The following GANC variants were observed in gnomAD, a reference collection of about 807,000 sequenced individuals.
The protein encoded by GANC is neutral alpha-glucosidase C.
In GANC, 117 loss-of-function variants were observed where a neutral mutation model predicts 124.2. That is an observed-to-expected ratio of 0.94 (90% CI 0.81 to 1.10). The LOEUF (loss-of-function observed/expected upper bound fraction) is 1.10, where lower values mean the gene tolerates loss of function less well. Ranked by LOEUF, GANC falls within the 50% of genes least tolerant of loss-of-function variation. The probability of loss-of-function intolerance (pLI) is 0.00; values close to 1 mark genes in which losing one functional copy is unlikely to be tolerated. For synonymous variants in GANC, 377 were observed against 376.8 expected (o/e 1.00, Z -0.01); for missense variants, 1,140 against 1,095.0 (o/e 1.04, Z -0.58).
At chr15:42,330,547 T>C in intron 14 of GANC, 29 bp from the exon 15 acceptor site, 1 of 1,549,412 alleles carries the variant, frequency 6.5e-7, no homozygotes, top group Non-Finnish European at 8.9e-7. Flanking sequence ...CAATCATCTC[T>C]TTGAAATTTT....
Position 42,353,650 on chromosome 15 carries a change from A to C in GANC, c.*1511A>C. Reference sequence around the variant, plus strand: ...AGCTGGTGGATTTAATTGATTAAAAAATTACGATTGAATGTATTTCCATCT... The same window carrying C: ...AGCTGGTGGATTTAATTGATTAAAACATTACGATTGAATGTATTTCCATCT... On this transcript the variant is annotated 3_prime_UTR_variant, in exon 24 of 24. Coordinates refer to ENST00000318010, the MANE Select transcript of GANC (RefSeq NM_198141.3). 1.0e-6 allele frequency: 1 copy of C among 985,568 alleles called. No homozygotes were observed. Among genetic ancestry groups the C allele is most frequent in the Non-Finnish European group, 1.2e-6 (1 of 829,806 alleles). 61.1% of individuals were successfully genotyped at this position (985,568 alleles called of 1,614,324 possible).
chr15:42,328,782 C>G (rs1036417824), intron 13 of GANC, among the ~76,000 whole-genome samples: 4 of 152,206 alleles, frequency 2.6e-5, no homozygotes, highest in African/African-American at 9.7e-5. Flanking sequence ...TCAACTGTCC[C>G]TTCCCACTCT....
chr15:42,338,106 A>G (rs1366777783), intron 15 of GANC, among the ~76,000 whole-genome samples: 1 of 152,104 alleles, frequency 6.6e-6, no homozygotes, highest in Non-Finnish European at 1.5e-5. Flanking sequence ...GTTAAATCTT[A>G]AAGTTGATTT....
At position 42,274,314 on chromosome 15, in the gene GANC, G is replaced by C; in HGVS notation, c.-168G>C. 1 of 678,476 alleles carries C rather than the reference G, an allele frequency of 1.5e-6. No individual in the cohort carries two copies. The highest frequency in any genetic ancestry group is 2.5e-6 in the Non-Finnish European group (1 of 396,274). The allele number at this position is 678,476 out of a possible 1,614,324, so 42.0% of individuals were successfully genotyped here. On this transcript the variant is annotated 5_prime_UTR_variant, in exon 1 of 24. Transcript: ENST00000318010. ...TGGGCCTGAAAAATTCCAGGAGCAA[G>C]AGTCAAGATTTGTCACTCCATGAGA... is the stretch of plus-strand genomic sequence containing the variant.
chr15:42,323,265 T>C (rs2052175363), intron 11 of GANC, among the ~76,000 whole-genome samples: 1 of 152,150 alleles, frequency 6.6e-6, no homozygotes, highest in South Asian at 2.1e-4. Context: ...AAGTAGTTAT[T>C]TAATGAGGCC....
chr15:42,287,548 CTT>C, intron 3 of GANC, 141 bp from the exon 4 acceptor site: 16 of 688,474 alleles, frequency 2.3e-5, no homozygotes, highest in South Asian at 4.5e-5. Flanking sequence ...AACTGGGGAG[CTT>C]TTTTTTTTAA....
At chr15:42,302,973 G>A (rs967313099) in intron 6 of GANC, among the ~76,000 whole-genome samples, 7 of 152,130 alleles carry the variant, frequency 4.6e-5, no homozygotes, top group African/African-American at 1.4e-4. Flanking sequence ...TGGCAAGACG[G>A]ACCAACATTC....
chr15:42,333,974 C>T (rs939485818), intron 15 of GANC, among the ~76,000 whole-genome samples: 2 of 152,136 alleles, frequency 1.3e-5, no homozygotes, highest in East Asian at 3.9e-4. Flanking sequence ...AACAAAGTTT[C>T]CAAGGCAATT....
Position 42,351,394 on chromosome 15 carries a change from T to A in GANC, c.2597T>A (p.Phe866Tyr), listed in dbSNP as rs746095058. The A allele has an allele frequency of 2.5e-6, 4 of 1,613,946 alleles. No homozygotes were observed. Among genetic ancestry groups the A allele is most frequent in the Non-Finnish European group, 3.4e-6 (4 of 1,179,950 alleles). ...CVVEKILVLG[F>Y]RKEPSSVTTH... ...GTGGAGAAGATCTTGGTCTTAGGCT[T>A]CAGGAAGGAGCCATCTTCTGTGACT... Residue 866 changes from phenylalanine to tyrosine, a missense_variant, in exon 23 of 24, where the codon TTC (phenylalanine) becomes TAC (tyrosine). By Grantham distance (22) the Phe-to-Tyr change is conservative. Coordinates refer to ENST00000318010, the MANE Select transcript of GANC (RefSeq NM_198141.3).
chr15:42,287,343 A>G lies in GANC; in HGVS notation c.202-348A>G, dbSNP rs1431808736. Reference sequence around the variant, plus strand: ...ATTCTTAATGTATCTGTAGTTTATCATAGATACAGTAGCCACATGTCCCAA... The same window carrying G: ...ATTCTTAATGTATCTGTAGTTTATCGTAGATACAGTAGCCACATGTCCCAA... On this transcript the variant is annotated intron_variant, in intron 3 of 23. Coordinates refer to ENST00000318010, the MANE Select transcript of GANC (RefSeq NM_198141.3). Among the ~76,000 whole-genome samples the G allele has an allele frequency of 2.0e-5, 3 of 152,216 alleles. No homozygotes were observed. In the East Asian group the frequency reaches 5.8e-4, roughly 29 times the overall value.
intron 4 of GANC, among the ~76,000 whole-genome samples, chr15:42,289,752 C>T (rs2051823849): frequency 6.6e-6 from 1 of 152,112 alleles, no homozygotes; most frequent in Non-Finnish European, 1.5e-5. Flanking sequence ...TGTGTTATCC[C>T]AAAATTCAGG....
chr15:42,326,439 T>G lies in GANC; in HGVS notation c.1420+15T>G. 1 of 1,613,778 alleles carries G rather than the reference T, an allele frequency of 6.2e-7. No individual in the cohort carries two copies. The highest frequency in any genetic ancestry group is 8.5e-7 in the Non-Finnish European group (1 of 1,179,760). ...GTGTTGGCCAGGTATGAAATCACTT[T>G]ATACACTTATTATTTCCACATGTTC... On this transcript the variant is annotated intron_variant, in intron 12 of 23. Coordinates refer to ENST00000318010, the MANE Select transcript of GANC (RefSeq NM_198141.3).
In GANC at chr15:42,309,902, C is replaced by T. The variant is rs147340540; in HGVS notation, c.723-381C>T. Among the ~76,000 whole-genome samples, 623 of 152,194 alleles carry T rather than the reference C, an allele frequency of 4.1e-3. 3 individuals are homozygous for T. Among genetic ancestry groups the T allele is most frequent in the African/African-American group, 0.014 (594 of 41,520 alleles). ...GGGTGTAGTGGCACGCACCTGTATT[C>T]CCCGCTACTTGGGAGGCTGAGGTGG... On this transcript the variant is annotated intron_variant, in intron 8 of 23. Transcript: ENST00000318010.
chr15:42,349,434 C>G lies in GANC; in HGVS notation c.2470C>G (p.Leu824Val). Reference sequence around the variant, plus strand: ...TGATGATGGCCATTCATTCCAATACCTCCACCAGAAGCAATTTTTGCACAG... The same window carrying G: ...TGATGATGGCCATTCATTCCAATACGTCCACCAGAAGCAATTTTTGCACAG... ...YLDDGHSFQY[L>V]HQKQFLHRKF... Residue 824 changes from leucine (L) to valine (V), a missense_variant, in exon 22 of 24, where the codon CTC becomes GTC. Coordinates refer to ENST00000318010, the MANE Select transcript of GANC (RefSeq NM_198141.3). The G allele has an allele frequency of 6.2e-7, 1 of 1,613,830 alleles. No homozygotes were observed. Among genetic ancestry groups the G allele is most frequent in the Non-Finnish European group, 8.5e-7 (1 of 1,179,802 alleles).
intron 4 of GANC, 24 bp downstream of exon 4, chr15:42,287,842 TAG>T (rs771406192): frequency 1.4e-5 from 22 of 1,595,590 alleles, no homozygotes; most frequent in Admixed American, 1.9e-5. Context: ...CGAGGTATTT[TAG>T]AGACACGCTT....
rs76137968 is a variant in GANC, at chr15:42,281,240, C to T, written c.201+2650C>T. On this transcript the variant is annotated intron_variant, in intron 3 of 23. Transcript: ENST00000318010. ...TCACCCTGAAATTCTGCACTGAACTCCATTTTAATGTCCTCCTTGTCATGT... is the reference window on the plus strand; with the variant it reads ...TCACCCTGAAATTCTGCACTGAACTTCATTTTAATGTCCTCCTTGTCATGT... 2.2e-3 allele frequency: 1,396 copies of T among 634,236 alleles called. 23 individuals carry two copies. In the East Asian group the frequency reaches 0.032, roughly 14 times the overall value. 39.3% of individuals were successfully genotyped at this position (634,236 alleles called of 1,614,324 possible). A position where few individuals can be genotyped will look rare whatever the true frequency, so the allele number is the denominator to read the frequency against.
intron 10 of GANC, among the ~76,000 whole-genome samples, chr15:42,317,014 C>T (rs2052112250): frequency 6.6e-6 from 1 of 152,142 alleles, no homozygotes; most frequent in African/African-American, 2.4e-5. Context: ...GATAATTGTC[C>T]ATGATCATCT....
intron 10 of GANC, among the ~76,000 whole-genome samples, chr15:42,316,161 A>G (rs1453883550): frequency 1.3e-5 from 2 of 152,174 alleles, no homozygotes; most frequent in Non-Finnish European, 2.9e-5. Context: ...CATGTATGCC[A>G]ATGATCACTG....
intron 18 of GANC, among the ~76,000 whole-genome samples, chr15:42,342,244 G>A (rs997586068): frequency 2.6e-5 from 4 of 152,080 alleles, no homozygotes; most frequent in South Asian, 4.1e-4. Flanking sequence ...TTTTACATAC[G>A]TGTTGTGCCA....
Sources: gnomAD v4.1 joint callset for allele counts (sites outside exome capture counted in the v4.1 genomes callset) on GRCh38, gnomAD v4.1.1 for gene constraint, MANE v1.5 for transcripts, NCBI Gene and HGNC (gene_info 2026-07-23, HGNC 2026-07-21) for gene names.